Variants in ME1 observed in about 807,000 individuals in gnomAD.
The protein encoded by ME1 is NADP-dependent malic enzyme.
ME1 carries 74 observed loss-of-function variants against 66.4 expected under a neutral mutation model. That is an observed-to-expected ratio of 1.11 (90% confidence interval 0.92 to 1.35). The LOEUF is 1.35. Among genes scored for constraint, ME1 ranks in the 40% most tolerant of loss-of-function variants. ME1 has a pLI of 0.00. For missense variants in ME1, 750 were observed against 694.1 expected (o/e 1.08, Z -0.90); for synonymous variants, 251 against 235.6 (o/e 1.07, Z -0.60).
intron 6 of ME1, among the ~76,000 whole-genome samples, chr6:83,307,081 T>A (rs559415692): frequency 1.3e-5 from 2 of 152,228 alleles, no homozygotes; most frequent in African/African-American, 4.8e-5. Context: ...CTGACAGGGA[T>A]GCAAATCAAA....
intron 3 of ME1, among the ~76,000 whole-genome samples, chr6:83,361,001 G>A (rs888635377): frequency 3.9e-5 from 6 of 152,176 alleles, no homozygotes; most frequent in African/African-American, 1.4e-4. Context: ...TGCCTTTACT[G>A]TTCTACCTCA....
intron 2 of ME1, among the ~76,000 whole-genome samples, chr6:83,406,615 A>C (rs1769949911): frequency 6.6e-6 from 1 of 152,142 alleles, no homozygotes; most frequent in Non-Finnish European, 1.5e-5. Flanking sequence ...TTGCAGGGGG[A>C]CACAAACATT....
intron 3 of ME1, among the ~76,000 whole-genome samples, chr6:83,369,477 T>C (rs1769154452): frequency 6.6e-6 from 1 of 152,068 alleles, no homozygotes; most frequent in Non-Finnish European, 1.5e-5. Context: ...ATACTATCCT[T>C]ACTAAGATGG....
At chr6:83,254,122 G>A (rs976172383) in intron 6 of ME1, among the ~76,000 whole-genome samples, 2 of 152,132 alleles carry the variant, frequency 1.3e-5, no homozygotes, top group Non-Finnish European at 2.9e-5. Flanking sequence ...ACAAATGAAC[G>A]AGTTTTAATG....
chr6:83,261,055 G>A (rs924208908), intron 6 of ME1, among the ~76,000 whole-genome samples: 2 of 152,172 alleles, frequency 1.3e-5, no homozygotes, highest in Admixed American at 6.5e-5. Flanking sequence ...CACAATGGCT[G>A]AACTAATTTA....
intron 3 of ME1, chr6:83,392,747 A>T: frequency 1.5e-6 from 1 of 648,186 alleles, no homozygotes; most frequent in Non-Finnish European, 2.9e-6. Flanking sequence ...GCTGGGGCTC[A>T]CTTGGAGGGA....
chr6:83,384,008 TC>T (rs1769455955), intron 3 of ME1, among the ~76,000 whole-genome samples: 1 of 151,884 alleles, frequency 6.6e-6, no homozygotes, highest in Non-Finnish European at 1.5e-5. Flanking sequence ...ATGATTTCAT[TC>T]TTTTTATGGC....
chr6:83,390,521 A>G (rs1769600749), intron 3 of ME1, among the ~76,000 whole-genome samples: 1 of 152,176 alleles, frequency 6.6e-6, no homozygotes, highest in Admixed American at 6.5e-5. Context: ...TTTAAGCCAC[A>G]TAACACAATT....
intron 6 of ME1, among the ~76,000 whole-genome samples, chr6:83,313,648 C>A (rs1416515104): frequency 6.6e-6 from 1 of 152,116 alleles, no homozygotes; most frequent in Non-Finnish European, 1.5e-5. Flanking sequence ...TATACAATCT[C>A]TTGATTAATG....
intron 5 of ME1, among the ~76,000 whole-genome samples, chr6:83,333,672 G>C (rs1253964665): frequency 6.6e-6 from 1 of 152,118 alleles, no homozygotes; most frequent in Non-Finnish European, 1.5e-5. Flanking sequence ...TTAAGCAACA[G>C]AAAAGTTAAT....
intron 6 of ME1, among the ~76,000 whole-genome samples, chr6:83,305,221 AG>A (rs1276305867): frequency 6.6e-6 from 1 of 152,180 alleles, no homozygotes; most frequent in Non-Finnish European, 1.5e-5. Flanking sequence ...GCATTGATAC[AG>A]GAAGGAACTT....
intron 5 of ME1, among the ~76,000 whole-genome samples, chr6:83,323,317 G>T (rs1256930547): frequency 6.6e-6 from 1 of 152,138 alleles, no homozygotes; most frequent in Admixed American, 6.5e-5. Flanking sequence ...AACCTTAAAT[G>T]TAAATGGGCT....
chr6:83,363,920 A>G (rs1464481467), intron 3 of ME1, among the ~76,000 whole-genome samples: 3 of 152,204 alleles, frequency 2.0e-5, no homozygotes, highest in African/African-American at 7.2e-5. Context: ...GTTAAGCATA[A>G]TTATGACCTT....
intron 6 of ME1, among the ~76,000 whole-genome samples, chr6:83,309,905 C>T (rs913591151): frequency 6.6e-6 from 1 of 151,934 alleles, no homozygotes; most frequent in Non-Finnish European, 1.5e-5. Flanking sequence ...AGAAGAAATT[C>T]TGTATGTTGG....
chr6:83,219,574 A>T (rs1466835336), intron 12 of ME1, among the ~76,000 whole-genome samples: 2 of 151,996 alleles, frequency 1.3e-5, no homozygotes, highest in Non-Finnish European at 2.9e-5. Context: ...ATTCAATTAA[A>T]CTTAGCTATT....
At chr6:83,285,806 CA>C (rs1237541288) in intron 6 of ME1, among the ~76,000 whole-genome samples, 1 of 152,128 alleles carries the variant, frequency 6.6e-6, no homozygotes, top group East Asian at 1.9e-4. Flanking sequence ...TCAAATACGA[CA>C]AAAGATTATC....
At chr6:83,292,230 T>C (rs1164415111) in intron 6 of ME1, among the ~76,000 whole-genome samples, 1 of 152,210 alleles carries the variant, frequency 6.6e-6, no homozygotes, top group African/African-American at 2.4e-5. Flanking sequence ...GCCTTTCTGC[T>C]CTGGTTTCTA....
chr6:83,246,217 A>G (rs1026900347), intron 7 of ME1, among the ~76,000 whole-genome samples: 4 of 152,178 alleles, frequency 2.6e-5, no homozygotes, highest in East Asian at 1.9e-4. Flanking sequence ...GAAAGATTAT[A>G]TATTAGGTAT....
chr6:83,302,288 C>G (rs2128536918), intron 6 of ME1, among the ~76,000 whole-genome samples: 1 of 152,100 alleles, frequency 6.6e-6, no homozygotes, highest in Non-Finnish European at 1.5e-5. Context: ...ACAACAGACA[C>G]TGCAGCTTAC....
Sources: allele counts gnomAD v4.1 joint callset (sites outside exome capture counted in the v4.1 genomes callset), GRCh38; gene constraint gnomAD v4.1.1; transcripts MANE v1.5; gene names NCBI Gene and HGNC (gene_info 2026-07-23, HGNC 2026-07-21).